ATP10B: variants seen among roughly 807,000 people sequenced by gnomAD.
ATP10B encodes the protein phospholipid-transporting ATPase VB.
Under a neutral mutation model 141.2 loss-of-function variants are expected in ATP10B, and 122 were observed. The observed-to-expected ratio is 0.86, with a 90% CI of 0.75 to 1.00. The LOEUF is 1.00. Among genes scored for constraint, ATP10B ranks in the 50% least tolerant of loss-of-function variants. The pLI, the probability that ATP10B is intolerant of heterozygous loss-of-function variation, is 0.00. For synonymous variants in ATP10B, 685 were observed against 692.0 expected, an observed-to-expected ratio of 0.99 and a Z score of 0.16; for missense variants, 1,876 against 1,825.3, an observed-to-expected ratio of 1.03 and a Z score of -0.51.
chr5:160,915,121 T>C, the ATP10B span, among the ~76,000 whole-genome samples: 1 of 152,326 alleles, frequency 6.6e-6, no homozygotes, highest in South Asian at 2.1e-4. Context: ...CCTCCTTGAA[T>C]GAATCACTAA....
intron 2 of ATP10B, among the ~76,000 whole-genome samples, chr5:160,781,668 G>A (rs1770722188): frequency 6.6e-6 from 1 of 152,120 alleles, no homozygotes; most frequent in Admixed American, 6.5e-5. Flanking sequence ...ACTCATACTG[G>A]CACAACATAA....
intron 2 of ATP10B, among the ~76,000 whole-genome samples, chr5:160,767,468 C>A (rs752629937): frequency 1.3e-5 from 2 of 152,130 alleles, no homozygotes; most frequent in Non-Finnish European, 2.9e-5. Context: ...TCTGAGCTCA[C>A]AGTGCTATTT....
chr5:160,928,221 T>G, the ATP10B span, among the ~76,000 whole-genome samples: 2 of 152,206 alleles, frequency 1.3e-5, no homozygotes, highest in African/African-American at 4.8e-5. Flanking sequence ...TTAGCTTCAC[T>G]TCTGAGTTGC....
chr5:160,633,905 C>A, intron 12 of ATP10B: 1 of 307,278 alleles, frequency 3.3e-6, no homozygotes, highest in Non-Finnish European at 6.3e-6. Flanking sequence ...GCTAAGAGAT[C>A]TGTTAGAATA....
intron 7 of ATP10B, among the ~76,000 whole-genome samples, chr5:160,655,288 A>AT (rs200489342): frequency 1.2e-3 from 171 of 147,798 alleles, no homozygotes; most frequent in Middle Eastern, 3.6e-3. Flanking sequence ...AAGCATTTAA[A>AT]TTTTTTTTTT....
chr5:160,736,806 G>C (rs1290354785), intron 2 of ATP10B, among the ~76,000 whole-genome samples: 1 of 152,108 alleles, frequency 6.6e-6, no homozygotes, highest in Non-Finnish European at 1.5e-5. Flanking sequence ...GGACCTGATG[G>C]CTTCACTGCT....
intron 7 of ATP10B, among the ~76,000 whole-genome samples, chr5:160,651,699 T>C (rs1001259101): frequency 7.2e-5 from 11 of 152,276 alleles, no homozygotes; most frequent in South Asian, 2.1e-4. Flanking sequence ...TAGCATTTTC[T>C]GGCTTCGTGT....
At chr5:160,834,911 C>G (rs1561908566) in intron 1 of ATP10B, among the ~76,000 whole-genome samples, 1 of 152,124 alleles carries the variant, frequency 6.6e-6, no homozygotes, top group Non-Finnish European at 1.5e-5. Flanking sequence ...TATAGCACCC[C>G]TTGACCAGAT....
intron 2 of ATP10B, among the ~76,000 whole-genome samples, chr5:160,743,453 C>T (rs1007871981): frequency 6.6e-6 from 1 of 152,128 alleles, no homozygotes; most frequent in African/African-American, 2.4e-5. Flanking sequence ...ATCTTTCTTC[C>T]AGTTTTATAA....
chr5:160,567,361 C>T (rs945943974), intron 25 of ATP10B, among the ~76,000 whole-genome samples: 8 of 152,156 alleles, frequency 5.3e-5, no homozygotes, highest in South Asian at 2.1e-4. Context: ...ACAGTTCCAC[C>T]GGCCATGTAT....
chr5:160,583,273 C>T lies in ATP10B; in HGVS notation c.3750+6319G>A, dbSNP rs116488876. The stretch of plus-strand genomic sequence containing the variant: ...ACTTCAGATGGGGTTTCTGTATGGG[C>T]TTTTTTTTGTTGATGTTGATGCTAT... On this transcript the variant is annotated intron_variant, in intron 24 of 25. Coordinates refer to ENST00000327245, the MANE Select transcript of ATP10B (RefSeq NM_025153.3). 9.2e-3 allele frequency among the ~76,000 whole-genome samples: 1,402 copies of T among 151,928 alleles called. 22 individuals carry two copies. Among genetic ancestry groups the T allele is most frequent in the African/African-American group, 0.032 (1,343 of 41,456 alleles).
chr5:160,577,534 T>C (rs1437530506), intron 24 of ATP10B, among the ~76,000 whole-genome samples: 1 of 152,222 alleles, frequency 6.6e-6, no homozygotes, highest in Non-Finnish European at 1.5e-5. Flanking sequence ...TTATTGATTT[T>C]CTGGGGCTGG....
intron 13 of ATP10B, among the ~76,000 whole-genome samples, chr5:160,630,312 G>A (rs1290379052): frequency 6.6e-6 from 1 of 152,144 alleles, no homozygotes; most frequent in African/African-American, 2.4e-5. Context: ...GGGTTAGTGT[G>A]TCCCTCTCAC....
At chr5:160,582,611 T>C (rs1755626975) in intron 24 of ATP10B, among the ~76,000 whole-genome samples, 1 of 152,330 alleles carries the variant, frequency 6.6e-6, no homozygotes, top group East Asian at 1.9e-4. Context: ...ATCTGACAAT[T>C]ATGTGTCTTG....
In ATP10B at chr5:160,666,599, T is replaced by TA. The variant is rs538996454; in HGVS notation, c.675+3863_675+3864insT. 3.3e-5 allele frequency among the ~76,000 whole-genome samples: 5 copies of TA among 152,340 alleles called. 1 individual carries two copies. In the South Asian group the frequency reaches 1.0e-3, roughly 32 times the overall value. On this transcript the variant is annotated intron_variant, in intron 7 of 25. Transcript: ENST00000327245. ...TCTCATATTACTTGGCCTTGCAACATTTATTTTTCTTGCAACTCTCATCAA... is the reference window on the plus strand; with the variant it reads ...TCTCATATTACTTGGCCTTGCAACATATTATTTTTCTTGCAACTCTCATCAA...
intron 13 of ATP10B, among the ~76,000 whole-genome samples, chr5:160,628,062 T>C (rs1758702508): frequency 6.6e-6 from 1 of 152,270 alleles, no homozygotes; most frequent in African/African-American, 2.4e-5. Context: ...AGTGATGGTT[T>C]TGTCCTGTCT....
chr5:160,881,538 C>T, the ATP10B span, among the ~76,000 whole-genome samples: 34 of 152,234 alleles, frequency 2.2e-4, no homozygotes, highest in African/African-American at 7.5e-4. Context: ...TTCGGCCGGG[C>T]GTGGTGGCTC....
chr5:160,601,712 T>C lies in ATP10B; in HGVS notation c.3363+865A>G, dbSNP rs143819628. On this transcript the variant is annotated intron_variant, in intron 21 of 25. Transcript: ENST00000327245. ...ACAGAATTATAGTTTCCCCATATTA[T>C]TGATGAAAAGATTAATTAATCTCTG... Among the ~76,000 whole-genome samples, 11 of 152,348 alleles carry C rather than the reference T, an allele frequency of 7.2e-5. No homozygotes were observed. The East Asian group carries it at 2.1e-3, about 29-fold the overall frequency.
At chr5:160,672,237 A>G (rs1762757261) in intron 6 of ATP10B, among the ~76,000 whole-genome samples, 1 of 152,022 alleles carries the variant, frequency 6.6e-6, no homozygotes, top group Admixed American at 6.6e-5. Context: ...TCGGCCTCCC[A>G]AAGTGCTGGG....
Sources: gnomAD v4.1 joint callset for allele counts (sites outside exome capture counted in the v4.1 genomes callset) on GRCh38, gnomAD v4.1.1 for gene constraint, MANE v1.5 for transcripts, NCBI Gene and HGNC (gene_info 2026-07-23, HGNC 2026-07-21) for gene names.